The following HAPLN3 variants were observed in gnomAD, a reference collection of about 807,000 sequenced individuals.
HAPLN3 encodes the protein extracellular link domain containing, 1.
In HAPLN3, 28 loss-of-function variants were observed where a neutral mutation model predicts 28.1. That is an observed-to-expected ratio of 1.00 (90% CI 0.74 to 1.37). HAPLN3 has a LOEUF of 1.37. Among genes scored for constraint, HAPLN3 ranks in the 40% most tolerant of loss-of-function variants. HAPLN3 has a pLI of 0.00. For missense variants in HAPLN3, 513 were observed against 504.6 expected, an observed-to-expected ratio of 1.02 and a Z score of -0.16; for synonymous variants, 211 against 213.1, an observed-to-expected ratio of 0.99 and a Z score of 0.09.
At position 88,878,091 on chromosome 15, in the gene HAPLN3, A is replaced by G; in HGVS notation, c.962T>C (p.Val321Ala). Residue 321 changes from valine (V) to alanine (A), a missense_variant, in exon 5 of 5, where the codon GTC becomes GCC. Physicochemically the swap from Val to Ala is moderately conservative, Grantham distance 64. Transcript: ENST00000359595. ...ATGCGGGTGAACCACAGGGTAGCGG[A>G]CGCTACCATCTGCCAGCCAGCCAGC... Reference protein sequence around the residue: ...CDAGWLADGSVRYPVVHPHPN... With the variant: ...CDAGWLADGSARYPVVHPHPN... 1 of 1,613,982 alleles carries G rather than the reference A, an allele frequency of 6.2e-7. No individual in the cohort carries two copies. Among genetic ancestry groups the G allele is most frequent in the Non-Finnish European group, 8.5e-7 (1 of 1,179,986 alleles).
chr15:88,878,099 A>G lies in HAPLN3; in HGVS notation c.954T>C (p.Asp318=). 2 of 1,614,140 alleles carry G rather than the reference A, an allele frequency of 1.2e-6. No individual in the cohort carries two copies. Among genetic ancestry groups the G allele is most frequent in the Non-Finnish European group, 1.7e-6 (2 of 1,180,032 alleles). ...GAACCACAGGGTAGCGGACGCTACC[A>G]TCTGCCAGCCAGCCAGCGTCGCAGC... ...LDRCDAGWLA[D]GSVRYPVVHP... Residue 318 remains aspartate, a synonymous_variant, in exon 5 of 5, where the codon GAT becomes GAC. Coordinates refer to ENST00000359595, the MANE Select transcript of HAPLN3 (RefSeq NM_178232.4).
Position 88,881,521 on chromosome 15 carries a change from C to T in HAPLN3, c.329G>A (p.Arg110His), listed in dbSNP as rs751794682. ...DVLVAIGLRH[R>H]SFGDYQGRVH... ...GCGGCCTTGGTAGTCCCCAAAGGAG[C>T]GGTGCCTCAGCCCGATGGCCACCAG... The change falls in exon 3 of 5, where the codon CGC (arginine) becomes CAC (histidine). Residue 110 changes from arginine (R) to histidine (H), a missense_variant. Coordinates refer to ENST00000359595, the MANE Select transcript of HAPLN3 (RefSeq NM_178232.4). The surrounding 1 kb of genome is among the most constrained non-coding windows in gnomAD (Gnocchi z 6.0). 90 of 1,614,078 alleles carry T rather than the reference C, an allele frequency of 5.6e-5. No homozygotes were observed. Among genetic ancestry groups the T allele is most frequent in the Middle Eastern group, 3.3e-4 (2 of 6,062 alleles).
chr15:88,877,959 G>A lies in HAPLN3; in HGVS notation c.*11C>T, dbSNP rs758330587. The stretch of plus-strand genomic sequence containing the variant: ...CCAGTGAGGGAATGCGGCAGGGGAG[G>A]GCCCCAGGTCCTAGTGCTGGCGGTA... On this transcript the variant is annotated 3_prime_UTR_variant, in exon 5 of 5. Transcript: ENST00000359595. The surrounding 1 kb of genome is among the most constrained non-coding windows in gnomAD (Gnocchi z 5.1). 4.3e-5 allele frequency: 67 copies of A among 1,575,682 alleles called. No individual in the cohort carries two copies. In the Middle Eastern group the frequency reaches 5.1e-4, roughly 12 times the overall value.
chr15:88,891,241 T>C (rs1208194647), intron 1 of HAPLN3, among the ~76,000 whole-genome samples: 1 of 152,038 alleles, frequency 6.6e-6, no homozygotes, highest in African/African-American at 2.4e-5. Flanking sequence ...CACCACAGCA[T>C]TACTATGATC....
rs139952946 is a variant in HAPLN3 at position 88,880,714 on chromosome 15, T to G, written c.493+643A>C. 2.4e-5 allele frequency: 14 copies of G among 574,482 alleles called. No homozygotes were observed. In the East Asian group the frequency reaches 1.3e-3, roughly 54 times the overall value. 35.6% of individuals were successfully genotyped at this position (574,482 alleles called of 1,614,324 possible). ...TGGTTTGGACAGCACTGGGTTTTTG[T>G]TTTTGGTTTTGGGGGGGCTTTTTGT... On this transcript the variant is annotated intron_variant, in intron 3 of 4. Coordinates refer to ENST00000359595, the MANE Select transcript of HAPLN3 (RefSeq NM_178232.4). The surrounding 1 kb of genome is among the most constrained non-coding windows in gnomAD (Gnocchi z 6.0).
rs1037125076 is a variant in HAPLN3 at position 88,879,094 on chromosome 15, C to G, written c.669G>C (p.Gln223His). ...GCTGCCGGGGCAACATGATGGGGTACTGCACCGTGGCATCCTGCAGCCAGC... is the reference window on the plus strand; with the variant it reads ...GCTGCCGGGGCAACATGATGGGGTAGTGCACCGTGGCATCCTGCAGCCAGC... ...NAGWLQDATV[Q>H]YPIMLPRQPC... The change falls in exon 4 of 5, where the codon CAG becomes CAC. Residue 223 changes from glutamine (Q) to histidine (H), a missense_variant. Transcript: ENST00000359595. The surrounding 1 kb of genome is among the most constrained non-coding windows in gnomAD (Gnocchi z 5.0). The G allele has an allele frequency of 6.2e-7, 1 of 1,611,652 alleles. No individual in the cohort carries two copies. Among genetic ancestry groups the G allele is most frequent in the African/African-American group, 1.3e-5 (1 of 74,924 alleles).
At chr15:88,882,783 C>T (rs1228714479) in intron 2 of HAPLN3, among the ~76,000 whole-genome samples, 1 of 152,108 alleles carries the variant, frequency 6.6e-6, no homozygotes, top group African/African-American at 2.4e-5. Context: ...ACAGGAGGAT[C>T]GCTTCAGCCC....
At position 88,888,108 on chromosome 15, in the gene HAPLN3, T is replaced by TG. The variant is rs1485302447; in HGVS notation, c.-47-764_-47-763insC. On this transcript the variant is annotated intron_variant, in intron 1 of 4. Transcript: ENST00000359595. This position sits in a 1 kb window ranked among gnomAD's most constrained non-coding sequence, Gnocchi z 4.1. ...ATGAGTCCTGCATTGTGAACCCTTT[T>TG]TTTTTTTTTTTGAGACAGAGTCTCG... 1.3e-5 allele frequency among the ~76,000 whole-genome samples: 2 copies of TG among 151,104 alleles called. No individual in the cohort carries two copies. The highest frequency in any genetic ancestry group is 6.6e-5 in the Admixed American group (1 of 15,228).
At chr15:88,893,771 T>A (rs1422360617) in intron 1 of HAPLN3, among the ~76,000 whole-genome samples, 1 of 151,746 alleles carries the variant, frequency 6.6e-6, no homozygotes, top group Non-Finnish European at 1.5e-5. Flanking sequence ...CTACTAAAAA[T>A]ACAAAAATTA....
rs201017497 is a variant in HAPLN3, at chr15:88,878,093, G to A, written c.960C>T (p.Ser320=). The change falls in exon 5 of 5, where the codon AGC becomes AGT. Residue 320 remains serine, a synonymous_variant. Transcript: ENST00000359595. ...GCGGGTGAACCACAGGGTAGCGGAC[G>A]CTACCATCTGCCAGCCAGCCAGCGT... The part of the protein sequence containing the change: ...RCDAGWLADG[S]VRYPVVHPHP... 9.5e-5 allele frequency: 154 copies of A among 1,613,894 alleles called. No homozygotes were observed. The highest frequency in any genetic ancestry group is 2.0e-4 in the South Asian group (18 of 91,088).
intron 2 of HAPLN3, among the ~76,000 whole-genome samples, chr15:88,885,729 A>G (rs1390829668): frequency 6.6e-6 from 1 of 152,166 alleles, no homozygotes; most frequent in Non-Finnish European, 1.5e-5. Flanking sequence ...TGCTGGGATT[A>G]CAGGTGTGAG....
intron 1 of HAPLN3, among the ~76,000 whole-genome samples, chr15:88,892,195 C>T (rs142296139): frequency 5.2e-4 from 79 of 152,258 alleles, no homozygotes; most frequent in African/African-American, 1.8e-3. Flanking sequence ...CAGTGGCTTA[C>T]ACCTGTTATC....
chr15:88,879,395 G>C lies in HAPLN3; in HGVS notation c.494-126C>G. On this transcript the variant is annotated intron_variant, in intron 3 of 4. Transcript: ENST00000359595. The surrounding 1 kb of genome is among the most constrained non-coding windows in gnomAD (Gnocchi z 5.0). ...ACACACACACATACACCATCCCTCA[G>C]AAAAACTCAGCAAACCTCTGACCTC... The C allele has an allele frequency of 6.5e-7, 1 of 1,545,482 alleles. No homozygotes were observed. Among genetic ancestry groups the C allele is most frequent in the Non-Finnish European group, 8.7e-7 (1 of 1,153,254 alleles).
chr15:88,878,291 A>G (rs2141653873), intron 4 of HAPLN3, 35 bp from the exon 5 acceptor site: 1 of 1,573,976 alleles, frequency 6.4e-7, no homozygotes, highest in Non-Finnish European at 8.6e-7. Flanking sequence ...CGTACAGCGC[A>G]GGGGGCAGCC....
chr15:88,877,743 C>T lies in HAPLN3; in HGVS notation c.*227G>A, dbSNP rs17201864. On this transcript the variant is annotated 3_prime_UTR_variant, in exon 5 of 5. Transcript: ENST00000359595. This position sits in a 1 kb window ranked among gnomAD's most constrained non-coding sequence, Gnocchi z 5.1. ...GGAACCCTCCAGAAGCCCACAAAAC[C>T]GCAAATGGCCCAGGGGAGCAAGCAT... The T allele has an allele frequency of 0.066, 34,890 of 530,488 alleles. 1,481 individuals carry two copies. The highest frequency in any genetic ancestry group is 0.085 in the Non-Finnish European group (25,999 of 304,456). 32.9% of individuals were successfully genotyped at this position (530,488 alleles called of 1,614,324 possible).
At position 88,881,755 on chromosome 15, in the gene HAPLN3, C is replaced by A; in HGVS notation, c.125-30G>T. ...GGGGAGAGACAGGGTGCAGATGAGA[C>A]CTGCTGAAGCACATCTGTACCCCTG... On this transcript the variant is annotated intron_variant, in intron 2 of 4. Transcript: ENST00000359595. The surrounding 1 kb of genome is among the most constrained non-coding windows in gnomAD (Gnocchi z 6.0). 6.3e-7 allele frequency: 1 copy of A among 1,581,264 alleles called. No individual in the cohort carries two copies. The highest frequency in any genetic ancestry group is 1.3e-5 in the African/African-American group (1 of 74,556).
In HAPLN3 at chr15:88,888,426, G is replaced by C. The variant is rs1253876311; in HGVS notation, c.-47-1081C>G. Among the ~76,000 whole-genome samples the C allele has an allele frequency of 1.3e-5, 2 of 152,150 alleles. No homozygotes were observed. The highest frequency in any genetic ancestry group is 2.9e-5 in the Non-Finnish European group (2 of 68,038). On this transcript the variant is annotated intron_variant, in intron 1 of 4. Transcript: ENST00000359595. The surrounding 1 kb of genome is among the most constrained non-coding windows in gnomAD (Gnocchi z 4.1). The stretch of plus-strand genomic sequence containing the variant: ...TTTTGAACACCATGCTAGAGGTCTT[G>C]GGAGCTATTCCAGTTTGGGTGGGCG...
intron 2 of HAPLN3, 25 bp downstream of exon 2, chr15:88,887,150 G>A (rs746120444): frequency 3.1e-6 from 5 of 1,613,810 alleles, no homozygotes; most frequent in South Asian, 1.1e-5. Flanking sequence ...GGGGAGCAAA[G>A]AGCCGGGTGC....
intron 1 of HAPLN3, among the ~76,000 whole-genome samples, chr15:88,892,781 G>C (rs140233114): frequency 6.6e-6 from 1 of 152,298 alleles, no homozygotes; most frequent in Non-Finnish European, 1.5e-5. Flanking sequence ...CTGTGTGGGA[G>C]TCAGGAGTGG....
Sources: allele counts gnomAD v4.1 joint callset (sites outside exome capture counted in the v4.1 genomes callset), GRCh38; gene constraint gnomAD v4.1.1; non-coding constraint Gnocchi (gnomAD v3.1); transcripts MANE v1.5; gene names NCBI Gene and HGNC (gene_info 2026-07-23, HGNC 2026-07-21).